The following DMAC2 variants were observed in gnomAD, a reference collection of about 807,000 sequenced individuals.
DMAC2 encodes the protein distal membrane-arm assembly complex protein 2.
DMAC2 carries 32 observed loss-of-function variants against 29.6 expected under a neutral mutation model. That is an observed-to-expected ratio of 1.08 (90% confidence interval 0.81 to 1.45). The LOEUF (loss-of-function observed/expected upper bound fraction) is 1.45. DMAC2 is among the 40% of genes most tolerant of loss of function. The probability of loss-of-function intolerance (pLI) is 0.00; values close to 1 mark genes in which losing one functional copy is unlikely to be tolerated. For synonymous variants in DMAC2, 133 were observed against 137.4 expected (o/e 0.97, Z 0.23); for missense variants, 319 against 340.0 (o/e 0.94, Z 0.49).
Position 41,433,361 on chromosome 19 carries a change from G to A in DMAC2, c.507C>T (p.Leu169=), listed in dbSNP as rs2039679336. 7 of 1,612,686 alleles carry A rather than the reference G, an allele frequency of 4.3e-6. No individual in the cohort carries two copies. The highest frequency in any genetic ancestry group is 1.3e-5 in the African/African-American group (1 of 74,938). Residue 169 remains leucine, a synonymous_variant, in exon 5 of 6, where the codon CTC becomes CTT. Transcript: ENST00000221943. ...CCTGCAACGAGTCGGCCAGTGGGTA[G>A]AGGCGGCTGAGACACCAGTCGTCCA... ...CHVDDWCLSR[L]YPLADSLQEL...
At chr19:41,432,835 A>G (rs1465740659) in intron 5 of DMAC2, 1 of 459,362 alleles carries the variant, frequency 2.2e-6, no homozygotes, top group Admixed American at 4.1e-5. Context: ...TACTGGCCCC[A>G]AATTTCAACC....
chr19:41,437,127 T>C (rs1281070584), intron 2 of DMAC2, among the ~76,000 whole-genome samples: 1 of 152,082 alleles, frequency 6.6e-6, no homozygotes, highest in African/African-American at 2.4e-5. Flanking sequence ...AGGCCAGGTG[T>C]GGTGGCTCAC....
At chr19:41,433,186 A>T (rs1397432286) in intron 5 of DMAC2, 86 bp downstream of exon 5, 2 of 1,424,258 alleles carry the variant, frequency 1.4e-6, no homozygotes, top group Non-Finnish European at 9.3e-7. Flanking sequence ...ACTGCCTAAC[A>T]TTGCCCCTCC....
chr19:41,436,493 A>G (rs1704865492), intron 2 of DMAC2, 21 bp from the exon 3 acceptor site: 3 of 1,610,120 alleles, frequency 1.9e-6, no homozygotes, highest in Non-Finnish European at 2.5e-6. Context: ...AATGGTAGCT[A>G]AGGGTGAGGC....
chr19:41,439,273 A>AGG (rs2040030615), intron 1 of DMAC2: 4 of 492,004 alleles, frequency 8.1e-6, no homozygotes, highest in African/African-American at 2.0e-5. Flanking sequence ...TTTCCTCAAA[A>AGG]GTTTAAAGCT....
Position 41,438,441 on chromosome 19 carries a change from G to A in DMAC2, c.19-27C>T, listed in dbSNP as rs1329660409. On this transcript the variant is annotated intron_variant, in intron 1 of 5. Coordinates refer to ENST00000221943, the MANE Select transcript of DMAC2 (RefSeq NM_018035.3). ...TGGGGAGGGGGAGAGGAAAGGAGCT[G>A]AGCCTGGAGCCTCCTGGGAGACACA... 2.5e-6 allele frequency: 4 copies of A among 1,581,162 alleles called. No individual in the cohort carries two copies. In the African/African-American group the frequency reaches 4.0e-5, roughly 16 times the overall value.
chr19:41,432,502 G>A, intron 5 of DMAC2, 94 bp from the exon 6 acceptor site: 30 of 1,169,208 alleles, frequency 2.6e-5, no homozygotes, highest in Non-Finnish European at 3.1e-5. Flanking sequence ...GTGTGTGTGT[G>A]TATAGGCAGG....
In DMAC2 at chr19:41,431,912, A is replaced by C; in HGVS notation, c.*319T>G. The C allele has an allele frequency of 2.7e-6, 1 of 371,054 alleles. No individual in the cohort carries two copies. Among genetic ancestry groups the C allele is most frequent in the South Asian group, 3.6e-5 (1 of 28,154 alleles). 23.0% of individuals were successfully genotyped at this position (371,054 alleles called of 1,614,324 possible). A position where few individuals can be genotyped will look rare whatever the true frequency, so the allele number is the denominator to read the frequency against. ...CCCTGCAAGAAATGGCAGTGCACTC[A>C]CATAAGGACAGTTTGAGAAGAGTCT... On this transcript the variant is annotated 3_prime_UTR_variant, in exon 6 of 6. Coordinates refer to ENST00000221943, the MANE Select transcript of DMAC2 (RefSeq NM_018035.3).
Position 41,432,194 on chromosome 19 carries a change from C to T in DMAC2, c.*37G>A, listed in dbSNP as rs990703814. 6 of 1,594,018 alleles carry T rather than the reference C, an allele frequency of 3.8e-6. No individual in the cohort carries two copies. The highest frequency in any genetic ancestry group is 2.2e-5 in the East Asian group (1 of 44,642). ...GAGCTACCAGACATTCCATGCAGCC[C>T]GCTGAGAAGCCACGTGAGTGGGGAC... On this transcript the variant is annotated 3_prime_UTR_variant, in exon 6 of 6. Coordinates refer to ENST00000221943, the MANE Select transcript of DMAC2 (RefSeq NM_018035.3).
intron 2 of DMAC2, 58 bp from the exon 3 acceptor site, chr19:41,436,530 G>A: frequency 7.2e-7 from 1 of 1,389,570 alleles, no homozygotes; most frequent in Non-Finnish European, 1.0e-6. Flanking sequence ...CCCTCACGAT[G>A]CCCCAGTGCT....
chr19:41,439,557 T>C, intron 1 of DMAC2: 1 of 1,532,526 alleles, frequency 6.5e-7, no homozygotes, highest in Non-Finnish European at 8.7e-7. Context: ...GCCCCACCCT[T>C]GCCTGTCCAT....
Position 41,431,381 on chromosome 19 carries a change from A to G in DMAC2, c.*850T>C, listed in dbSNP as rs1555768676. The G allele has an allele frequency of 2.0e-6, 1 of 501,028 alleles. No individual in the cohort carries two copies. The highest frequency in any genetic ancestry group is 1.4e-5 in the South Asian group (1 of 70,032). The allele number at this position is 501,028 out of a possible 1,614,324, so 31.0% of individuals were successfully genotyped here. A position where few individuals can be genotyped will look rare whatever the true frequency, so the allele number is the denominator to read the frequency against. On this transcript the variant is annotated 3_prime_UTR_variant, in exon 6 of 6. Transcript: ENST00000221943. ...GCTTTAACAGTGAACTGGAATAATG[A>G]GGGCTTCACTGGTAAAATGCTTCTG...
At chr19:41,432,755 TGTGTGTAGGGAGGTACAGGACAGCGTGC>T in intron 5 of DMAC2, 1 of 423,998 alleles carries the variant, frequency 2.4e-6, no homozygotes, top group African/African-American at 2.5e-5. Context: ...AGCGTGTGCG[TGTGTGTAGGGAGGTACAGGACAGCGTGC>T]GTGTGTGTGT....
rs782066981 is a variant in DMAC2 at position 41,433,577 on chromosome 19, G to A, written c.393C>T (p.Ala131=). Reference sequence around the variant, plus strand: ...CCTCGTAGTTGATGTCACAGTCACCGGCATCCACAGCTTCGACAGGCACTT... The same window carrying A: ...CCTCGTAGTTGATGTCACAGTCACCAGCATCCACAGCTTCGACAGGCACTT... ...FCEVPVEAVD[A]GDCDINYEGL... The change falls in exon 4 of 6, where the codon GCC becomes GCT. Residue 131 remains alanine (A), a synonymous_variant. Transcript: ENST00000221943. The A allele has an allele frequency of 1.9e-5, 30 of 1,614,040 alleles. No individual in the cohort carries two copies. Among genetic ancestry groups the A allele is most frequent in the African/African-American group, 2.7e-5 (2 of 74,904 alleles).
Position 41,438,323 on chromosome 19 carries a change from T to A in DMAC2, c.110A>T (p.Lys37Met). The change falls in exon 2 of 6, where the codon AAG becomes ATG. Residue 37 changes from lysine to methionine, a missense_variant. Transcript: ENST00000221943. ...CAGGAACTGGAGTATTGTCCTTTTC[T>A]TCTTCTGATTGCCCTCTGGGGCCAC... is the stretch of plus-strand genomic sequence containing the variant. ...AAVAPEGNQK[K>M]KRTILQFLTN... The A allele has an allele frequency of 6.2e-7, 1 of 1,614,242 alleles. No individual in the cohort carries two copies. Among genetic ancestry groups the A allele is most frequent in the Non-Finnish European group, 8.5e-7 (1 of 1,180,032 alleles).
At chr19:41,433,738 G>A in intron 3 of DMAC2, 65 bp from the exon 4 acceptor site, 1 of 1,603,920 alleles carries the variant, frequency 6.2e-7, no homozygotes, top group Non-Finnish European at 8.5e-7. Context: ...AGCCTCTTCA[G>A]AACCTTCCCC....
intron 1 of DMAC2, chr19:41,439,474 A>C (rs1222310245): frequency 6.5e-7 from 1 of 1,536,804 alleles, no homozygotes; most frequent in Non-Finnish European, 8.7e-7. Flanking sequence ...CTTTCCTTAC[A>C]TTCATCCTTC....
In DMAC2 at chr19:41,433,448, AG is replaced by A; in HGVS notation, c.434-15del. 6.2e-7 allele frequency: 1 copy of A among 1,612,562 alleles called. No individual in the cohort carries two copies. Among genetic ancestry groups the A allele is most frequent in the Non-Finnish European group, 8.5e-7 (1 of 1,178,768 alleles). ...CCTTCAGGCGGACTGCGGTGGGGAG[AG>A]GGTGGGATGGCACCAGGAGCCTTTC... is the stretch of plus-strand genomic sequence containing the variant. On this transcript the variant is annotated splice_polypyrimidine_tract_variant and intron_variant, in intron 4 of 5. Coordinates refer to ENST00000221943, the MANE Select transcript of DMAC2 (RefSeq NM_018035.3).
chr19:41,434,562 G>A (rs2122227404), intron 3 of DMAC2, among the ~76,000 whole-genome samples: 1 of 152,158 alleles, frequency 6.6e-6, no homozygotes, highest in East Asian at 1.9e-4. Flanking sequence ...CTGTTTCTAA[G>A]GAAGTTGCCA....
Sources: gnomAD v4.1 joint callset for allele counts (sites outside exome capture counted in the v4.1 genomes callset) on GRCh38, gnomAD v4.1.1 for gene constraint, MANE v1.5 for transcripts, NCBI Gene and HGNC (gene_info 2026-07-23, HGNC 2026-07-21) for gene names.